The following TINAGL1 variants were observed in gnomAD, a reference collection of about 807,000 sequenced individuals.
TINAGL1 encodes tubulointerstitial nephritis antigen-like.
A neutral mutation model predicts 62.0 loss-of-function variants in TINAGL1; 34 were observed. The observed-to-expected ratio is 0.55, with a 90% CI of 0.42 to 0.73. TINAGL1 has a LOEUF of 0.73. TINAGL1 is among the 30% of genes least tolerant of loss of function. TINAGL1 has a pLI of 0.00. For missense variants in TINAGL1, 516 were observed against 653.2 expected (o/e 0.79, Z 2.29); for synonymous variants, 221 against 249.7 (o/e 0.88, Z 1.08).
At chr1:31,586,247 A>T (rs1639387976) in intron 10 of TINAGL1, 2 of 299,130 alleles carry the variant, frequency 6.7e-6, no homozygotes, top group South Asian at 1.0e-4. Flanking sequence ...TAGGGAATAT[A>T]GATGTTAGGA....
chr1:31,580,562 G>A (rs1336887233), intron 3 of TINAGL1: 10 of 1,289,068 alleles, frequency 7.8e-6, no homozygotes, highest in Middle Eastern at 2.2e-4. Flanking sequence ...AGCCTTCCCG[G>A]CCCTGCAGAC....
In TINAGL1 at chr1:31,585,759, T is replaced by C; in HGVS notation, c.1100T>C (p.Met367Thr). 1.9e-6 allele frequency: 3 copies of C among 1,613,262 alleles called. No homozygotes were observed. The highest frequency in any genetic ancestry group is 2.5e-6 in the Non-Finnish European group (3 of 1,179,610). The stretch of plus-strand genomic sequence containing the variant: ...CCTTGACATCTGCCCACAGCCCTCA[T>C]GGAGGTGCATGAGGACTTCTTCCTA... ...LMENGPVQAL[M>T]EVHEDFFLYK... The change falls in exon 10 of 12, where the codon ATG (methionine) becomes ACG (threonine). Residue 367 changes from methionine (M) to threonine (T), a missense_variant. Transcript: ENST00000271064. This position sits in a 1 kb window ranked among gnomAD's most constrained non-coding sequence, Gnocchi z 4.3.
At position 31,576,807 on chromosome 1, in the gene TINAGL1, AGG is replaced by A. The variant is rs571639123; in HGVS notation, c.-16+214_-16+215del. On this transcript the variant is annotated intron_variant, in intron 1 of 11. Transcript: ENST00000271064. This position sits in a 1 kb window ranked among gnomAD's most constrained non-coding sequence, Gnocchi z 5.1. ...CCAGGTCAGGGATGGAGGCTGCTGG[AGG>A]GCAGAGAGACCTAGGACAGGAGAGA... 5.7e-3 allele frequency among the ~76,000 whole-genome samples: 861 copies of A among 152,294 alleles called. 7 individuals are homozygous for A. The highest frequency in any genetic ancestry group is 8.6e-3 in the Non-Finnish European group (584 of 68,008).
At chr1:31,580,883 G>A (rs1639226977) in intron 3 of TINAGL1, 24 of 905,274 alleles carry the variant, frequency 2.7e-5, no homozygotes, top group Non-Finnish European at 3.4e-5. Context: ...CATTTCTAGT[G>A]TAAGGTGAAG....
At chr1:31,586,626 G>A (rs1467916081) in intron 10 of TINAGL1, 84 bp from the exon 11 acceptor site, 19 of 1,516,926 alleles carry the variant, frequency 1.3e-5, no homozygotes, top group Non-Finnish European at 1.6e-5. Context: ...GCAACTGGGG[G>A]CTGGATGGGG....
At chr1:31,582,311 G>C (rs914571516) in intron 3 of TINAGL1, among the ~76,000 whole-genome samples, 8 of 141,328 alleles carry the variant, frequency 5.7e-5, no homozygotes, top group African/African-American at 2.2e-4. Flanking sequence ...CTGGGCAACA[G>C]AGCAAGACCC....
chr1:31,580,780 A>T lies in TINAGL1; in HGVS notation c.374+1513A>T, dbSNP rs1297467314. ...TAGAATTCATAGAATGCAGCCCTTC[A>T]GTCGGCACCTATTATTAAAGACCTA... On this transcript the variant is annotated intron_variant, in intron 3 of 11. Transcript: ENST00000271064. 3 of 1,208,554 alleles carry T rather than the reference A, an allele frequency of 2.5e-6. No homozygotes were observed. In the East Asian group the frequency reaches 1.8e-4, roughly 71 times the overall value. The allele number at this position is 1,208,554 out of a possible 1,614,324, so 74.9% of individuals were successfully genotyped here.
chr1:31,586,812 C>T lies in TINAGL1; in HGVS notation c.1264-27C>T, dbSNP rs770247705. 2.5e-5 allele frequency: 39 copies of T among 1,545,418 alleles called. 3 individuals carry two copies. The South Asian group carries it at 4.6e-4, about 18-fold the overall frequency. ...TTCCCCTCGCCCCACTCCCATTCCC[C>T]TTCTCACCACCCCTCCTTATTCCCA... On this transcript the variant is annotated intron_variant, in intron 11 of 11. Coordinates refer to ENST00000271064, the MANE Select transcript of TINAGL1 (RefSeq NM_022164.3).
rs1398634025 is a variant in TINAGL1 at position 31,583,343 on chromosome 1, C to G, written c.467+102C>G. ...GCACGTCCAGCAGGCCACTCCTACACCCAGATTTGACTGTGTGTGCGCTCA... is the reference window on the plus strand; with the variant it reads ...GCACGTCCAGCAGGCCACTCCTACAGCCAGATTTGACTGTGTGTGCGCTCA... On this transcript the variant is annotated intron_variant, in intron 4 of 11. Transcript: ENST00000271064. The surrounding 1 kb of genome is among the most constrained non-coding windows in gnomAD (Gnocchi z 4.4). The G allele has an allele frequency of 8.1e-6, 12 of 1,482,206 alleles. No homozygotes were observed. In the East Asian group the frequency reaches 2.3e-4, roughly 28 times the overall value. 91.8% of individuals were successfully genotyped at this position (1,482,206 alleles called of 1,614,324 possible).
At position 31,587,028 on chromosome 1, in the gene TINAGL1, G is replaced by A; in HGVS notation, c.*49G>A. The A allele has an allele frequency of 2.1e-6, 3 of 1,402,798 alleles. No homozygotes were observed. The highest frequency in any genetic ancestry group is 2.8e-6 in the Non-Finnish European group (3 of 1,083,420). The allele number at this position is 1,402,798 out of a possible 1,614,324, so 86.9% of individuals were successfully genotyped here. On this transcript the variant is annotated 3_prime_UTR_variant, in exon 12 of 12. Coordinates refer to ENST00000271064, the MANE Select transcript of TINAGL1 (RefSeq NM_022164.3). ...CGGCCTGGGATCCAGGCTAAGGGCCGGCGGAAGAGGCCCCAATGGGGCGGT... is the reference window on the plus strand; with the variant it reads ...CGGCCTGGGATCCAGGCTAAGGGCCAGCGGAAGAGGCCCCAATGGGGCGGT...
intron 3 of TINAGL1, chr1:31,580,609 T>TGG (rs1423023596): frequency 7.8e-7 from 1 of 1,289,342 alleles, no homozygotes; most frequent in South Asian, 1.2e-5. Flanking sequence ...CCGCCTCTCC[T>TGG]GGGGCTGGAA....
In TINAGL1 at chr1:31,577,547, A is replaced by C; in HGVS notation, c.310+89A>C. On this transcript the variant is annotated intron_variant, in intron 2 of 11. Coordinates refer to ENST00000271064, the MANE Select transcript of TINAGL1 (RefSeq NM_022164.3). The surrounding 1 kb of genome is among the most constrained non-coding windows in gnomAD (Gnocchi z 5.4). ...GAGCAAAGCTGATGGATGCACTGAC[A>C]TTTCCAGGGGAAGCTCTGTAGAATC... 1 of 1,391,794 alleles carries C rather than the reference A, an allele frequency of 7.2e-7. No homozygotes were observed. Among genetic ancestry groups the C allele is most frequent in the Non-Finnish European group, 9.8e-7 (1 of 1,019,002 alleles). The allele number at this position is 1,391,794 out of a possible 1,614,324, so 86.2% of individuals were successfully genotyped here. A position where few individuals can be genotyped will look rare whatever the true frequency, so the allele number is the denominator to read the frequency against.
intron 3 of TINAGL1, among the ~76,000 whole-genome samples, chr1:31,582,162 T>G (rs2148591669): frequency 6.6e-6 from 1 of 152,268 alleles, no homozygotes; most frequent in Middle Eastern, 3.4e-3. Flanking sequence ...AAACCCCATC[T>G]CTACAAAAAT....
rs757047134 is a variant in TINAGL1, at chr1:31,577,499, A to G, written c.310+41A>G. The G allele has an allele frequency of 6.4e-7, 1 of 1,563,368 alleles. No homozygotes were observed. The highest frequency in any genetic ancestry group is 8.7e-7 in the Non-Finnish European group (1 of 1,152,584). On this transcript the variant is annotated intron_variant, in intron 2 of 11. Transcript: ENST00000271064. This position sits in a 1 kb window ranked among gnomAD's most constrained non-coding sequence, Gnocchi z 5.4. ...GCCAGGAGGGTGGGTCACTTTGTCC[A>G]CCTCAGACTCAGCAAGGCTCAAGAG...
At position 31,579,190 on chromosome 1, in the gene TINAGL1, T is replaced by C. The variant is rs1282823318; in HGVS notation, c.311-14T>C. The C allele has an allele frequency of 6.2e-7, 1 of 1,613,326 alleles. No individual in the cohort carries two copies. The highest frequency in any genetic ancestry group is 2.2e-5 in the East Asian group (1 of 44,884). The stretch of plus-strand genomic sequence containing the variant: ...TGGTTCTGGTTCCACTTCTCTTCTC[T>C]TCCCTTCCAACAGGATGTATGCATG... On this transcript the variant is annotated splice_polypyrimidine_tract_variant and intron_variant, in intron 2 of 11. Coordinates refer to ENST00000271064, the MANE Select transcript of TINAGL1 (RefSeq NM_022164.3).
rs2148595370 is a variant in TINAGL1, at chr1:31,585,341, G to GT, written c.1047+2dup. 1 of 1,604,230 alleles carries GT rather than the reference G, an allele frequency of 6.2e-7. No individual in the cohort carries two copies. The highest frequency in any genetic ancestry group is 1.1e-5 in the South Asian group (1 of 89,908). On this transcript the variant is annotated splice_donor_variant, in intron 8 of 11. Transcript: ENST00000271064. LOFTEE classifies it high-confidence loss of function. This position sits in a 1 kb window ranked among gnomAD's most constrained non-coding sequence, Gnocchi z 4.3. ...TCCTGTCTACCGCCTCGGCTCCAAC[G>GT]TAAGTCAGCACTTGGGTGAGGGCGC... is the stretch of plus-strand genomic sequence containing the variant.
chr1:31,584,511 C>T lies in TINAGL1; in HGVS notation c.583-167C>T. 1 of 1,020,112 alleles carries T rather than the reference C, an allele frequency of 9.8e-7. No homozygotes were observed. Among genetic ancestry groups the T allele is most frequent in the South Asian group, 1.5e-5 (1 of 65,208 alleles). The allele number at this position is 1,020,112 out of a possible 1,614,324, so 63.2% of individuals were successfully genotyped here. On this transcript the variant is annotated intron_variant, in intron 5 of 11. Coordinates refer to ENST00000271064, the MANE Select transcript of TINAGL1 (RefSeq NM_022164.3). The surrounding 1 kb of genome is among the most constrained non-coding windows in gnomAD (Gnocchi z 4.0). ...GGGAGGCACTAAATGGTGCTTGGTTCTTCAACACAAGTCAAAATTGGAGGC... is the reference window on the plus strand; with the variant it reads ...GGGAGGCACTAAATGGTGCTTGGTTTTTCAACACAAGTCAAAATTGGAGGC...
At chr1:31,580,115 G>A (rs1570202103) in intron 3 of TINAGL1, among the ~76,000 whole-genome samples, 2 of 151,154 alleles carry the variant, frequency 1.3e-5, no homozygotes, top group African/African-American at 4.9e-5. Flanking sequence ...CCTGGCCCGC[G>A]TCTGCAGGTT....
At position 31,585,116 on chromosome 1, in the gene TINAGL1, C is replaced by A. The variant is rs1331305451; in HGVS notation, c.858-35C>A. 12 of 1,563,880 alleles carry A rather than the reference C, an allele frequency of 7.7e-6. No homozygotes were observed. Among genetic ancestry groups the A allele is most frequent in the South Asian group, 1.2e-5 (1 of 83,916 alleles). On this transcript the variant is annotated intron_variant, in intron 7 of 11. Coordinates refer to ENST00000271064, the MANE Select transcript of TINAGL1 (RefSeq NM_022164.3). The surrounding 1 kb of genome is among the most constrained non-coding windows in gnomAD (Gnocchi z 4.3). ...TGGCCTGGGCCATGATGCACTGAGT[C>A]TTTCTGCCTTTGCTCCCTCTTGCTG...
Sources: allele counts gnomAD v4.1 joint callset (sites outside exome capture counted in the v4.1 genomes callset), GRCh38; gene constraint gnomAD v4.1.1; non-coding constraint Gnocchi (gnomAD v3.1); transcripts MANE v1.5; gene names NCBI Gene and HGNC (gene_info 2026-07-23, HGNC 2026-07-21).